Variants in ANO2 observed in about 807,000 individuals in gnomAD.
The protein encoded by ANO2 is anoctamin-2.
Under a neutral mutation model 124.2 loss-of-function variants are expected in ANO2, and 101 were observed. The observed-to-expected ratio is 0.81, with a 90% CI of 0.69 to 0.96. The LOEUF is 0.96. Among genes scored for constraint, ANO2 ranks in the 40% least tolerant of loss-of-function variants. The pLI, the probability that ANO2 is intolerant of heterozygous loss-of-function variation, is 0.00. For missense variants in ANO2, 1,293 were observed against 1,274.5 expected (o/e 1.01, Z -0.22); for synonymous variants, 486 against 482.5 (o/e 1.01, Z -0.09).
intron 1 of ANO2, among the ~76,000 whole-genome samples, chr12:5,930,284 C>G (rs576923033): frequency 1.3e-5 from 2 of 152,298 alleles, no homozygotes; most frequent in African/African-American, 4.8e-5. Context: ...AATGGGTCTG[C>G]AATGAACGAA....
At chr12:5,879,022 T>C (rs1448597740) in intron 3 of ANO2, among the ~76,000 whole-genome samples, 1 of 152,234 alleles carries the variant, frequency 6.6e-6, no homozygotes, top group Non-Finnish European at 1.5e-5. Context: ...AGTTGGTGCG[T>C]CTACAAGTGT....
intron 9 of ANO2, among the ~76,000 whole-genome samples, chr12:5,803,430 C>T (rs759092): frequency 0.47 from 71,867 of 152,032 alleles, 17,937 homozygotes; most frequent in South Asian, 0.56. Flanking sequence ...AGGGAAGACA[C>T]CCACCTGCAA....
At position 5,925,789 on chromosome 12, in the gene ANO2, AG is replaced by A. The variant is rs1942053632; in HGVS notation, c.23-2986del. ...GGGTGTTCATAACTGCAATGCCGTG[AG>A]GGTGGGGGCATGGCTTACCCACGTC... On this transcript the variant is annotated intron_variant, in intron 1 of 24. Transcript: ENST00000682330. This position sits in a 1 kb window ranked among gnomAD's most constrained non-coding sequence, Gnocchi z 4.6. Among the ~76,000 whole-genome samples, 1 of 152,188 alleles carries A rather than the reference AG, an allele frequency of 6.6e-6. No individual in the cohort carries two copies. The highest frequency in any genetic ancestry group is 2.1e-4 in the South Asian group (1 of 4,830).
At chr12:5,762,689 G>T (rs1410430604) in intron 10 of ANO2, among the ~76,000 whole-genome samples, 1 of 151,776 alleles carries the variant, frequency 6.6e-6, no homozygotes, top group Non-Finnish European at 1.5e-5. Flanking sequence ...AAAATCTTAT[G>T]CTCAAACTGA....
chr12:5,679,710 G>T (rs138907843), intron 14 of ANO2, among the ~76,000 whole-genome samples: 1 of 152,142 alleles, frequency 6.6e-6, no homozygotes, highest in Admixed American at 6.5e-5. Context: ...TACTTCAGCC[G>T]TTGTGGAAGA....
At chr12:5,849,933 T>C (rs1285203785) in intron 4 of ANO2, among the ~76,000 whole-genome samples, 1 of 152,116 alleles carries the variant, frequency 6.6e-6, no homozygotes, top group Non-Finnish European at 1.5e-5. Flanking sequence ...GAGTCTCGTC[T>C]TCCATTTTCC....
chr12:5,578,343 G>A (rs367857556), intron 21 of ANO2, 23 bp downstream of exon 21: 14 of 1,608,276 alleles, frequency 8.7e-6, no homozygotes, highest in African/African-American at 1.3e-5. Flanking sequence ...GGGCCTGGTG[G>A]GGCCTCTAAG....
At chr12:5,902,250 T>C (rs541492798) in intron 3 of ANO2, among the ~76,000 whole-genome samples, 1 of 152,198 alleles carries the variant, frequency 6.6e-6, no homozygotes, top group East Asian at 1.9e-4. Context: ...ACAAGCTATA[T>C]TAATACACTT....
At chr12:5,712,572 G>T (rs1304888220) in intron 14 of ANO2, among the ~76,000 whole-genome samples, 2 of 152,148 alleles carry the variant, frequency 1.3e-5, no homozygotes, top group Admixed American at 1.3e-4. Context: ...CTTGACCTTG[G>T]ACTTCTGGCC....
intron 11 of ANO2, among the ~76,000 whole-genome samples, chr12:5,745,335 T>A (rs1951235030): frequency 6.6e-6 from 1 of 152,176 alleles, no homozygotes; most frequent in African/African-American, 2.4e-5. Context: ...GGTGGAGAAC[T>A]TAAGATTTCA....
intron 16 of ANO2, among the ~76,000 whole-genome samples, chr12:5,621,475 GA>G (rs1945114677): frequency 6.6e-6 from 1 of 152,170 alleles, no homozygotes; most frequent in Non-Finnish European, 1.5e-5. Context: ...CCTAACATAA[GA>G]GGCGGGGGTG....
At chr12:5,881,176 A>G (rs1049193996) in intron 3 of ANO2, among the ~76,000 whole-genome samples, 4 of 152,182 alleles carry the variant, frequency 2.6e-5, no homozygotes, top group African/African-American at 9.7e-5. Flanking sequence ...TTCTATTGAG[A>G]GGGGCCTTCC....
At chr12:5,840,592 A>G (rs1436925857) in intron 4 of ANO2, among the ~76,000 whole-genome samples, 1 of 152,192 alleles carries the variant, frequency 6.6e-6, no homozygotes, top group Non-Finnish European at 1.5e-5. Flanking sequence ...AGATCAAGGA[A>G]AAGGTCTAAC....
At chr12:5,604,228 T>G (rs940913060) in intron 19 of ANO2, among the ~76,000 whole-genome samples, 1 of 152,138 alleles carries the variant, frequency 6.6e-6, no homozygotes, top group African/African-American at 2.4e-5. Flanking sequence ...GTGTGGTTGG[T>G]GGTGCCGATG....
intron 3 of ANO2, among the ~76,000 whole-genome samples, chr12:5,903,243 A>G (rs183358815): frequency 2.6e-5 from 4 of 152,218 alleles, no homozygotes; most frequent in Admixed American, 6.5e-5. Context: ...CAGAGGCCAG[A>G]AAAAGACAAA....
rs942914185 is a variant in ANO2, at chr12:5,851,183, C to T, written c.633+2860G>A. ...TCATCTACAAGTTCAAATGCAGGTA[C>T]CACCTAAAAACTACAGATGTAAGTT... On this transcript the variant is annotated intron_variant, in intron 4 of 24. Coordinates refer to ENST00000682330, the MANE Select transcript of ANO2 (RefSeq NM_001364791.2). Among the ~76,000 whole-genome samples, 3 of 152,170 alleles carry T rather than the reference C, an allele frequency of 2.0e-5. No individual in the cohort carries two copies. In the South Asian group the frequency reaches 6.2e-4, roughly 32 times the overall value.
intron 3 of ANO2, among the ~76,000 whole-genome samples, chr12:5,880,703 A>T (rs1164007632): frequency 1.3e-5 from 2 of 152,212 alleles, no homozygotes; most frequent in Non-Finnish European, 2.9e-5. Context: ...TTAAATAATA[A>T]GGAGCAGATT....
intron 3 of ANO2, among the ~76,000 whole-genome samples, chr12:5,885,025 G>C (rs1336548688): frequency 6.6e-6 from 1 of 152,188 alleles, no homozygotes; most frequent in Non-Finnish European, 1.5e-5. Context: ...ATCTCCCTGT[G>C]GTCCAGCCTT....
At chr12:5,689,434 T>C (rs1948841487) in intron 14 of ANO2, among the ~76,000 whole-genome samples, 1 of 152,156 alleles carries the variant, frequency 6.6e-6, no homozygotes, top group African/African-American at 2.4e-5. Context: ...TTCATTTCAG[T>C]GCCTTCTTGG....
Sources: gnomAD v4.1 joint callset for allele counts (sites outside exome capture counted in the v4.1 genomes callset) on GRCh38, gnomAD v4.1.1 for gene constraint, Gnocchi (gnomAD v3.1) non-coding constraint, MANE v1.5 for transcripts, NCBI Gene and HGNC (gene_info 2026-07-23, HGNC 2026-07-21) for gene names.